Variants in TTC6 observed in about 807,000 individuals in gnomAD.
TTC6 encodes the protein tetratricopeptide repeat protein 6.
A neutral mutation model predicts 210.4 loss-of-function variants in TTC6; 172 were observed. The observed-to-expected ratio is 0.82, with a 90% confidence interval of 0.72 to 0.93. The LOEUF (loss-of-function observed/expected upper bound fraction) is 0.93, where lower values mean the gene tolerates loss of function less well. Among genes scored for constraint, TTC6 ranks in the 40% least tolerant of loss-of-function variants. The pLI is 0.00. For missense variants in TTC6, 2,414 were observed against 2,318.1 expected (o/e 1.04, Z -0.85); for synonymous variants, 804 against 819.6 (o/e 0.98, Z 0.32).
intron 26 of TTC6, among the ~76,000 whole-genome samples, chr14:37,822,443 G>A (rs1337688694): frequency 6.6e-6 from 1 of 152,032 alleles, no homozygotes; most frequent in Non-Finnish European, 1.5e-5. Flanking sequence ...ATTTTATAAA[G>A]GAAAAATGGG....
chr14:37,724,564 C>T (rs2138828958), intron 6 of TTC6, among the ~76,000 whole-genome samples: 1 of 152,176 alleles, frequency 6.6e-6, no homozygotes, highest in Non-Finnish European at 1.5e-5. Flanking sequence ...CCATACTCAT[C>T]TCCCCATGCA....
intron 7 of TTC6, among the ~76,000 whole-genome samples, chr14:37,726,988 T>G (rs1473217812): frequency 6.6e-6 from 1 of 151,996 alleles, no homozygotes; most frequent in Non-Finnish European, 1.5e-5. Context: ...GTTTTTTCTT[T>G]TTTCATTTGT....
intron 5 of TTC6, among the ~76,000 whole-genome samples, chr14:37,709,780 T>C (rs972826349): frequency 2.6e-5 from 4 of 151,846 alleles, no homozygotes; most frequent in Non-Finnish European, 5.9e-5. Context: ...TCTGATCTTT[T>C]TAAAACATAC....
intron 29 of TTC6, chr14:37,837,282 A>T: frequency 2.6e-6 from 1 of 385,922 alleles, no homozygotes; most frequent in South Asian, 2.0e-5. Flanking sequence ...CTTTATTGAT[A>T]ATTTATTGGT....
rs377117749 is a variant in TTC6, at chr14:37,672,821, A to ATTTTTTTTTTTTTTTTTTTTTTTTTT, written c.940-7311_940-7310insTTTTTTTTTTTTTTTTTTTTTTTTTT. Reference sequence around the variant, plus strand: ...TAAGCAAGCTTTTCATGAATTCCTCATTTTTTTTTTTTTTTTTTTACTAAA... The same window carrying ATTTTTTTTTTTTTTTTTTTTTTTTTT: ...TAAGCAAGCTTTTCATGAATTCCTCATTTTTTTTTTTTTTTTTTTTTTTTTTTTTTTTTTTTTTTTTTTTTACTAAA... On this transcript the variant is annotated intron_variant, in intron 1 of 30. Transcript: ENST00000553443. 3.5e-4 allele frequency among the ~76,000 whole-genome samples: 45 copies of ATTTTTTTTTTTTTTTTTTTTTTTTTT among 128,984 alleles called. 3 individuals are homozygous for ATTTTTTTTTTTTTTTTTTTTTTTTTT. The highest frequency in any genetic ancestry group is 8.8e-3 in the Middle Eastern group (2 of 226). The allele number at this position is 128,984 out of a possible 152,430, so 84.6% of individuals were successfully genotyped here.
At chr14:37,697,897 CCA>C (rs1245699578) in intron 4 of TTC6, among the ~76,000 whole-genome samples, 1 of 151,958 alleles carries the variant, frequency 6.6e-6, no homozygotes, top group East Asian at 1.9e-4. Flanking sequence ...AGTAGTATGG[CCA>C]CACACAGAGT....
intron 6 of TTC6, among the ~76,000 whole-genome samples, chr14:37,721,480 C>T (rs1314039206): frequency 6.6e-6 from 1 of 152,062 alleles, no homozygotes; most frequent in East Asian, 1.9e-4. Flanking sequence ...TTCAAAAGCT[C>T]AGTTTTTTTC....
At position 37,792,427 on chromosome 14, in the gene TTC6, C is replaced by T. The variant is rs117473458; in HGVS notation, c.3708+13C>T. 42,340 of 1,448,566 alleles carry T rather than the reference C, an allele frequency of 0.029. 898 individuals carry two copies. Among genetic ancestry groups the T allele is most frequent in the Middle Eastern group, 0.087 (488 of 5,630 alleles). The allele number at this position is 1,448,566 out of a possible 1,614,324, so 89.7% of individuals were successfully genotyped here. On this transcript the variant is annotated intron_variant, in intron 17 of 30. Transcript: ENST00000553443. The stretch of plus-strand genomic sequence containing the variant: ...AACCTATTTTAAGGTATTTAAGGCT[C>T]GAGAACCTTGATTTTTTTAAAAAAA...
rs138807388 is a variant in TTC6 at position 37,704,653 on chromosome 14, A to G, written c.1571+3127A>G. 5.4e-3 allele frequency among the ~76,000 whole-genome samples: 819 copies of G among 152,000 alleles called. 6 individuals are homozygous for G. Among genetic ancestry groups the G allele is most frequent in the African/African-American group, 0.017 (686 of 41,516 alleles). On this transcript the variant is annotated intron_variant, in intron 5 of 30. Coordinates refer to ENST00000553443, the Ensembl canonical transcript of TTC6. ...GTTATTTGCCGTATATATTATAGAT[A>G]TATTTTCAATTTGTTGTCTGCTTTT...
chr14:37,761,409 G>T (rs990718599), intron 14 of TTC6, among the ~76,000 whole-genome samples: 2 of 152,016 alleles, frequency 1.3e-5, no homozygotes, highest in African/African-American at 4.8e-5. Flanking sequence ...CGTGGGTCTT[G>T]CTGGGAGCTG....
chr14:37,775,176 CAT>C (rs1041399210), intron 14 of TTC6, among the ~76,000 whole-genome samples: 2 of 152,104 alleles, frequency 1.3e-5, no homozygotes, highest in Non-Finnish European at 2.9e-5. Flanking sequence ...CTTTCAAAAA[CAT>C]AACTACTGGA....
intron 2 of TTC6, among the ~76,000 whole-genome samples, chr14:37,607,292 T>C (rs2095626840): frequency 6.6e-6 from 1 of 152,200 alleles, no homozygotes; most frequent in South Asian, 2.1e-4. Context: ...AATGTCCTTG[T>C]GTGTTCCCCA....
At chr14:37,737,791 A>G in intron 9 of TTC6, 57 bp downstream of exon 11, 2 of 952,870 alleles carry the variant, frequency 2.1e-6, no homozygotes, top group East Asian at 3.0e-5. Flanking sequence ...TCCTAGGAAT[A>G]ATAATCACCT....
intron 1 of TTC6, among the ~76,000 whole-genome samples, chr14:37,647,458 G>A (rs1193268327): frequency 6.6e-6 from 1 of 152,176 alleles, no homozygotes; most frequent in African/African-American, 2.4e-5. Flanking sequence ...TTGTATGTGT[G>A]TTGCAGGAGA....
At chr14:37,830,382 A>C (rs1473894821) in intron 29 of TTC6, among the ~76,000 whole-genome samples, 32 of 152,098 alleles carry the variant, frequency 2.1e-4, no homozygotes, top group Non-Finnish European at 1.5e-5. Context: ...ATTTCAGATA[A>C]GTGTTGTTGA....
chr14:37,619,324 C>T (rs749982243), upstream of TTC6, among the ~76,000 whole-genome samples: 2 of 151,974 alleles, frequency 1.3e-5, no homozygotes, highest in African/African-American at 4.8e-5. Flanking sequence ...AAACGCAATA[C>T]GACTATATTT....
At chr14:37,614,540 T>C (rs1007532948) in intron 2 of TTC6, among the ~76,000 whole-genome samples, 43 of 152,310 alleles carry the variant, frequency 2.8e-4, no homozygotes, top group Middle Eastern at 6.8e-3. Context: ...TCTTCATTCA[T>C]TTTTAAAGAT....
At chr14:37,792,238 G>A in intron 16 of TTC6, 26 bp from the exon 19 acceptor site, 1 of 1,472,844 alleles carries the variant, frequency 6.8e-7, no homozygotes, top group Non-Finnish European at 9.0e-7. Context: ...TGTTTAACAA[G>A]ATTTCACTTT....
chr14:37,680,018 A>G (rs2095779688), intron 1 of TTC6, 133 bp from the exon 4 acceptor site: 2 of 569,632 alleles, frequency 3.5e-6, no homozygotes, highest in Non-Finnish European at 3.1e-6. Flanking sequence ...TTCATTTACC[A>G]TGTGTTATTG....
Sources: allele counts gnomAD v4.1 joint callset (sites outside exome capture counted in the v4.1 genomes callset), GRCh38; gene constraint gnomAD v4.1.1; transcripts MANE v1.5; gene names NCBI Gene and HGNC (gene_info 2026-07-23, HGNC 2026-07-21).